The following IFT80 variants were observed in gnomAD, a reference collection of about 807,000 sequenced individuals.
IFT80 encodes intraflagellar transport protein 80 homolog.
Under a neutral mutation model 107.9 loss-of-function variants are expected in IFT80, and 79 were observed. That is an observed-to-expected ratio of 0.73 (90% CI 0.61 to 0.88). The LOEUF is 0.88. IFT80 is among the 40% of genes least tolerant of loss of function. IFT80 has a pLI of 0.00. For missense variants in IFT80, 797 were observed against 914.2 expected (o/e 0.87, Z 1.65); for synonymous variants, 299 against 300.9 (o/e 0.99, Z 0.07).
rs1348940811 is a variant in IFT80, at chr3:160,307,773, A to G, written c.966T>C (p.Asn322=). The G allele has an allele frequency of 1.3e-6, 2 of 1,520,210 alleles. No individual in the cohort carries two copies. The highest frequency in any genetic ancestry group is 2.3e-5 in the East Asian group (1 of 44,372). The allele number at this position is 1,520,210 out of a possible 1,614,324, so 94.2% of individuals were successfully genotyped here. Residue 322 remains asparagine (N), a synonymous_variant, in exon 10 of 20, where the codon AAT becomes AAC. Coordinates refer to ENST00000326448, the MANE Select transcript of IFT80 (RefSeq NM_020800.3). ...GTAAATCCACTGCATCATTAAGAAC[A>G]TTACGAACCTAAACAAGGAAAAATA... is the stretch of plus-strand genomic sequence containing the variant. ...LTKRRAMQVR[N]VLNDAVDLLE... is the part of the protein sequence containing the mutation.
chr3:160,396,301 C>G (rs912326943), intron 1 of IFT80, among the ~76,000 whole-genome samples: 1 of 151,916 alleles, frequency 6.6e-6, no homozygotes, highest in Admixed American at 6.6e-5. Context: ...ATTTATTAAT[C>G]TTGAACAATA....
chr3:160,344,160 A>G (rs1720115951), intron 8 of IFT80, among the ~76,000 whole-genome samples: 1 of 152,220 alleles, frequency 6.6e-6, no homozygotes, highest in African/African-American at 2.4e-5. Flanking sequence ...CTAAAGAGAC[A>G]ACATATTTTG....
chr3:160,293,141 G>A (rs1402535056), intron 12 of IFT80, among the ~76,000 whole-genome samples: 1 of 152,192 alleles, frequency 6.6e-6, no homozygotes, highest in Non-Finnish European at 1.5e-5. Context: ...TGCTTCAAAA[G>A]AGGCTCAGAG....
intron 1 of IFT80, among the ~76,000 whole-genome samples, chr3:160,390,379 T>G (rs1404037879): frequency 6.7e-6 from 1 of 148,972 alleles, no homozygotes; most frequent in Admixed American, 6.7e-5. Context: ...ATCGCACCAT[T>G]GCACTCCAGC....
At chr3:160,368,352 C>T (rs2108381604) in intron 5 of IFT80, among the ~76,000 whole-genome samples, 1 of 122,922 alleles carries the variant, frequency 8.1e-6, no homozygotes, top group South Asian at 2.5e-4. Flanking sequence ...CTAATCTAGA[C>T]CCAGTCCAAA....
intron 3 of IFT80, among the ~76,000 whole-genome samples, chr3:160,378,750 G>A (rs1336422470): frequency 1.3e-5 from 2 of 151,552 alleles, no homozygotes; most frequent in East Asian, 1.9e-4. Context: ...ATATATTTAT[G>A]AAATAAAATG....
At chr3:160,362,893 A>G (rs961711892) in intron 6 of IFT80, among the ~76,000 whole-genome samples, 3 of 152,202 alleles carry the variant, frequency 2.0e-5, no homozygotes, top group Non-Finnish European at 2.9e-5. Flanking sequence ...TACTTATGAC[A>G]AACCCACAGC....
intron 6 of IFT80, among the ~76,000 whole-genome samples, chr3:160,362,493 G>A (rs971920792): frequency 6.6e-6 from 1 of 152,120 alleles, no homozygotes; most frequent in African/African-American, 2.4e-5. Flanking sequence ...AATAGAAAAC[G>A]AGGGAATCCT....
rs1716633310 is a variant in IFT80, at chr3:160,303,949, CTTT to C, written c.1114_1116del (p.Lys372del). On this transcript the variant is annotated inframe_deletion, in exon 11 of 20. Transcript: ENST00000326448. ...TGCAGAATCAAACTAACAGTTCCTTCTTTGAGATCAAATATAATTGGTGTGTTC... is the reference window on the plus strand; with the variant it reads ...TGCAGAATCAAACTAACAGTTCCTTCGAGATCAAATATAATTGGTGTGTTC... The C allele has an allele frequency of 6.2e-7, 1 of 1,611,554 alleles. No homozygotes were observed.
chr3:160,332,564 T>C (rs1309590353), intron 8 of IFT80, among the ~76,000 whole-genome samples: 1 of 152,080 alleles, frequency 6.6e-6, no homozygotes, highest in African/African-American at 2.4e-5. Context: ...GAAGATGAAA[T>C]GCTAACTAGA....
chr3:160,335,920 G>T (rs1719431555), intron 8 of IFT80, among the ~76,000 whole-genome samples: 1 of 152,068 alleles, frequency 6.6e-6, no homozygotes, highest in African/African-American at 2.4e-5. Flanking sequence ...GTGGCCTTTT[G>T]TGTCTGCCTT....
chr3:160,353,820 CCA>C (rs1243588561), intron 8 of IFT80, among the ~76,000 whole-genome samples: 5 of 152,082 alleles, frequency 3.3e-5, no homozygotes, highest in African/African-American at 1.2e-4. Context: ...ATTTATACCC[CCA>C]GTTTCTAGAA....
intron 5 of IFT80, 87 bp downstream of exon 5, chr3:160,375,725 C>T (rs1711960934): frequency 8.3e-6 from 7 of 845,168 alleles, no homozygotes; most frequent in South Asian, 7.3e-5. Context: ...TCTCAACCAC[C>T]GTATTAGATT....
chr3:160,365,988 CT>C, intron 6 of IFT80, 54 bp downstream of exon 6: 2 of 1,342,004 alleles, frequency 1.5e-6, no homozygotes, highest in African/African-American at 2.9e-5. Context: ...CAAGTGCCCT[CT>C]AGTTTAGCAG....
intron 9 of IFT80, among the ~76,000 whole-genome samples, chr3:160,315,696 T>C (rs570990930): frequency 2.6e-5 from 4 of 152,256 alleles, no homozygotes; most frequent in African/African-American, 9.6e-5. Flanking sequence ...GCCACCCTCT[T>C]TTCCCTTTGC....
intron 19 of IFT80, among the ~76,000 whole-genome samples, chr3:160,267,026 G>C (rs113067600): frequency 6.6e-6 from 1 of 152,002 alleles, no homozygotes; most frequent in Non-Finnish European, 1.5e-5. Context: ...GTACTAAGCA[G>C]GTTCCAAATG....
At chr3:160,288,423 G>A (rs1715266316) in intron 12 of IFT80, among the ~76,000 whole-genome samples, 1 of 152,124 alleles carries the variant, frequency 6.6e-6, no homozygotes, top group South Asian at 2.1e-4. Flanking sequence ...CTGGACATGG[G>A]AACAAGGAAA....
At chr3:160,285,066 T>C (rs1714984813) in intron 13 of IFT80, among the ~76,000 whole-genome samples, 1 of 152,116 alleles carries the variant, frequency 6.6e-6, no homozygotes, top group Non-Finnish European at 1.5e-5. Context: ...GGGCCAGGCA[T>C]GGTGGCTCAC....
In IFT80 at chr3:160,381,588, G is replaced by A. The variant is rs1156889261; in HGVS notation, c.174C>T (p.Tyr58=). The change falls in exon 3 of 20, where the codon TAC becomes TAT. Residue 58 remains tyrosine (Y), a synonymous_variant. Coordinates refer to ENST00000326448, the MANE Select transcript of IFT80 (RefSeq NM_020800.3). ...TQIVKLPDDI[Y]PIDFHWFPKS... Reference sequence around the variant, plus strand: ...TTGGAAACCAGTGAAAATCAATAGGGTAAATATCATCAGGAAGCTTTACTA... The same window carrying A: ...TTGGAAACCAGTGAAAATCAATAGGATAAATATCATCAGGAAGCTTTACTA... 9.3e-6 allele frequency: 15 copies of A among 1,613,546 alleles called. No homozygotes were observed. In the Admixed American group the frequency reaches 2.5e-4, roughly 27 times the overall value.
Sources: gnomAD v4.1 joint callset for allele counts (sites outside exome capture counted in the v4.1 genomes callset) on GRCh38, gnomAD v4.1.1 for gene constraint, MANE v1.5 for transcripts, NCBI Gene and HGNC (gene_info 2026-07-23, HGNC 2026-07-21) for gene names.